Variants in EHBP1 observed in about 807,000 individuals in gnomAD.
The protein encoded by EHBP1 is EH domain-binding protein 1.
In EHBP1, 55 loss-of-function variants were observed where a neutral mutation model predicts 144.0. That is an observed-to-expected ratio of 0.38 (90% confidence interval 0.31 to 0.48). The LOEUF is 0.48. Ranked by LOEUF, EHBP1 falls within the 20% of genes least tolerant of loss-of-function variation. EHBP1 has a pLI of 0.98. For synonymous variants in EHBP1, 469 were observed against 472.7 expected (o/e 0.99, Z 0.10); for missense variants, 1,200 against 1,364.2 (o/e 0.88, Z 1.90).
At chr2:62,951,500 C>T (rs1018883812) in intron 13 of EHBP1, among the ~76,000 whole-genome samples, 1 of 138,860 alleles carries the variant, frequency 7.2e-6, no homozygotes, top group African/African-American at 2.7e-5. Context: ...CCTAAATTGT[C>T]ATATTCAATA....
intron 10 of EHBP1, among the ~76,000 whole-genome samples, chr2:62,910,411 G>C (rs2054127093): frequency 6.6e-6 from 1 of 152,086 alleles, no homozygotes; most frequent in Non-Finnish European, 1.5e-5. Context: ...GAAAAAATCA[G>C]TTTTAAATGG....
At chr2:62,927,788 G>A (rs766790549) in intron 10 of EHBP1, among the ~76,000 whole-genome samples, 30 of 152,082 alleles carry the variant, frequency 2.0e-4, no homozygotes, top group Non-Finnish European at 3.8e-4. Flanking sequence ...AAAAAACTGC[G>A]CAACAACAGA....
intron 2 of EHBP1, among the ~76,000 whole-genome samples, chr2:62,733,100 G>A (rs1419021616): frequency 6.6e-6 from 1 of 152,150 alleles, no homozygotes; most frequent in African/African-American, 2.4e-5. Flanking sequence ...GTTTGATTAT[G>A]ATGCTTGTTC....
chr2:63,000,371 T>C (rs2059800059), intron 19 of EHBP1, among the ~76,000 whole-genome samples: 1 of 151,988 alleles, frequency 6.6e-6, no homozygotes, highest in South Asian at 2.1e-4. Flanking sequence ...ATGCTGTGTA[T>C]GTGAGTGTGT....
chr2:62,688,619 C>G (rs968262763), intron 1 of EHBP1, among the ~76,000 whole-genome samples: 2 of 152,132 alleles, frequency 1.3e-5, no homozygotes, highest in Admixed American at 6.5e-5. Context: ...TCCCCCTATT[C>G]CCCTCTTTCT....
At chr2:62,838,431 C>T (rs2047485603) in intron 7 of EHBP1, among the ~76,000 whole-genome samples, 1 of 151,760 alleles carries the variant, frequency 6.6e-6, no homozygotes, top group African/African-American at 2.4e-5. Flanking sequence ...ATTAAAAGAA[C>T]TAGAAAAGCA....
At chr2:63,042,129 C>G (rs1467600772) in intron 21 of EHBP1, among the ~76,000 whole-genome samples, 1 of 152,080 alleles carries the variant, frequency 6.6e-6, no homozygotes, top group Non-Finnish European at 1.5e-5. Context: ...AGCAAAAGTA[C>G]ACTGGAATCT....
chr2:62,675,061 G>A (rs1373800981), intron 1 of EHBP1, among the ~76,000 whole-genome samples: 1 of 152,224 alleles, frequency 6.6e-6, no homozygotes. Flanking sequence ...AGAGAGAACA[G>A]AAGAGAGTGA....
chr2:62,854,733 G>T (rs2048914037), intron 7 of EHBP1, among the ~76,000 whole-genome samples: 1 of 152,212 alleles, frequency 6.6e-6, no homozygotes, highest in South Asian at 2.1e-4. Context: ...ATAATGAAAA[G>T]GTTTAGAATA....
At chr2:62,844,843 A>C (rs1053006243) in intron 7 of EHBP1, among the ~76,000 whole-genome samples, 5 of 152,160 alleles carry the variant, frequency 3.3e-5, no homozygotes, top group African/African-American at 1.2e-4. Flanking sequence ...TCAGCTGGAC[A>C]TTCAGATTCA....
At chr2:62,948,219 T>G (rs1018229655) in intron 12 of EHBP1, 41 bp from the exon 13 acceptor site, 3 of 1,479,406 alleles carry the variant, frequency 2.0e-6, no homozygotes, top group Non-Finnish European at 1.8e-6. Flanking sequence ...GTGAATTATA[T>G]GAACTGTTCA....
chr2:62,828,633 C>G (rs1195463701), intron 6 of EHBP1, among the ~76,000 whole-genome samples: 1 of 152,134 alleles, frequency 6.6e-6, no homozygotes, highest in African/African-American at 2.4e-5. Flanking sequence ...GTGTGATTTA[C>G]AGGGGTTTGC....
intron 15 of EHBP1, among the ~76,000 whole-genome samples, chr2:62,983,666 G>A (rs1026993815): frequency 1.3e-5 from 2 of 152,126 alleles, no homozygotes; most frequent in East Asian, 3.9e-4. Flanking sequence ...TCAGCCTCCC[G>A]AGTAGCTGGA....
At chr2:63,019,224 A>C (rs892068518) in intron 19 of EHBP1, among the ~76,000 whole-genome samples, 1 of 152,218 alleles carries the variant, frequency 6.6e-6, no homozygotes, top group African/African-American at 2.4e-5. Context: ...ATTCTAATAC[A>C]GGTGATCCAC....
intron 5 of EHBP1, among the ~76,000 whole-genome samples, chr2:62,785,461 C>A (rs1219952621): frequency 6.6e-6 from 1 of 152,074 alleles, no homozygotes; most frequent in Non-Finnish European, 1.5e-5. Flanking sequence ...TTCTTAGTGA[C>A]TCATTTCAAG....
At chr2:62,696,766 C>T (rs193202690) in intron 1 of EHBP1, among the ~76,000 whole-genome samples, 147 of 152,156 alleles carry the variant, frequency 9.7e-4, no homozygotes, top group African/African-American at 3.3e-3. Flanking sequence ...TTCCACCCTC[C>T]TTGGCCTGCC....
intron 11 of EHBP1, 53 bp downstream of exon 11, chr2:62,942,949 G>T (rs2056847610): frequency 7.8e-7 from 1 of 1,284,926 alleles, no homozygotes; most frequent in Admixed American, 2.4e-5. Context: ...AGACATTTTT[G>T]AAAAGAACAT....
At chr2:63,039,709 G>A (rs983986048) in intron 21 of EHBP1, among the ~76,000 whole-genome samples, 10 of 152,250 alleles carry the variant, frequency 6.6e-5, no homozygotes, top group African/African-American at 2.2e-4. Context: ...GGAAAGCCAA[G>A]TGAAGCCTTA....
intron 18 of EHBP1, among the ~76,000 whole-genome samples, chr2:62,994,916 A>G (rs2059569972): frequency 6.6e-6 from 1 of 152,186 alleles, no homozygotes; most frequent in Non-Finnish European, 1.5e-5. Flanking sequence ...CTCACACTAC[A>G]GAAATCTGAT....
Sources: allele counts gnomAD v4.1 joint callset (sites outside exome capture counted in the v4.1 genomes callset), GRCh38; gene constraint gnomAD v4.1.1; transcripts MANE v1.5; gene names NCBI Gene and HGNC (gene_info 2026-07-23, HGNC 2026-07-21).